Variants in GSE1 observed in about 807,000 individuals in gnomAD.
GSE1 encodes Gse1 coiled-coil protein.
A neutral mutation model predicts 112.6 loss-of-function variants in GSE1; 32 were observed. The ratio of observed to expected loss-of-function variants is 0.28; its 90% confidence interval spans 0.21 to 0.38. GSE1 has a LOEUF of 0.38. GSE1 is among the 10% of genes least tolerant of loss of function. The pLI, the probability that GSE1 is intolerant of heterozygous loss-of-function variation, is 1.00. For missense variants in GSE1, 2,348 were observed against 1,699.2 expected, an observed-to-expected ratio of 1.38 and a Z score of -6.71; for synonymous variants, 1,115 against 735.6, an observed-to-expected ratio of 1.52 and a Z score of -8.35.
intron 13 of GSE1, among the ~76,000 whole-genome samples, chr16:85,667,498 A>G (rs2052966466): frequency 6.6e-6 from 1 of 152,234 alleles, no homozygotes; most frequent in African/African-American, 2.4e-5. Context: ...CTAGGGATCA[A>G]AACAGCCACG....
intron 1 of GSE1, among the ~76,000 whole-genome samples, chr16:85,569,411 T>C (rs1256804145): frequency 6.6e-6 from 1 of 152,246 alleles, no homozygotes; most frequent in Non-Finnish European, 1.5e-5. Flanking sequence ...CTTGAGTCCT[T>C]GTGTATGAGA....
At chr16:85,360,314 G>A (rs1271158080) in intron 2 of GSE1, among the ~76,000 whole-genome samples, 2 of 152,100 alleles carry the variant, frequency 1.3e-5, no homozygotes, top group Admixed American at 6.5e-5. Context: ...ACCCCCGTGA[G>A]TGTCCCTGCA....
chr16:85,292,853 A>G (rs573665100), intron 1 of GSE1, among the ~76,000 whole-genome samples: 5 of 152,314 alleles, frequency 3.3e-5, no homozygotes, highest in African/African-American at 1.2e-4. Flanking sequence ...AGAACATTCC[A>G]TTGTCTGTGA....
At chr16:85,249,971 C>T (rs1296488032) in intron 1 of GSE1, among the ~76,000 whole-genome samples, 1 of 152,238 alleles carries the variant, frequency 6.6e-6, no homozygotes, top group Non-Finnish European at 1.5e-5. Context: ...TTGTCTGTAG[C>T]AGGGATGAGA....
chr16:85,344,429 G>T (rs1416789989), intron 1 of GSE1, among the ~76,000 whole-genome samples: 1 of 152,234 alleles, frequency 6.6e-6, no homozygotes, highest in African/African-American at 2.4e-5. Flanking sequence ...CAGGACGACA[G>T]CAGCCCTTGT....
At chr16:85,445,841 C>T (rs1031607991) in intron 2 of GSE1, among the ~76,000 whole-genome samples, 1 of 152,188 alleles carries the variant, frequency 6.6e-6, no homozygotes, top group Non-Finnish European at 1.5e-5. Flanking sequence ...CCTTGCAGCT[C>T]GCTGGGGTCA....
chr16:85,518,461 G>A (rs559253017), intron 2 of GSE1, among the ~76,000 whole-genome samples: 7 of 152,218 alleles, frequency 4.6e-5, no homozygotes, highest in South Asian at 4.1e-4. Context: ...AAACCGAGGC[G>A]CAGAAGTAAC....
chr16:85,434,345 A>ATCATCATC (rs1555511268), intron 2 of GSE1, among the ~76,000 whole-genome samples: 1,835 of 143,490 alleles, frequency 0.013, 33 homozygotes, highest in African/African-American at 0.044. Flanking sequence ...TAATAATAAT[A>ATCATCATC]ATCAGTGCCG....
At chr16:85,565,047 G>T (rs1481127077) in intron 1 of GSE1, among the ~76,000 whole-genome samples, 2 of 152,124 alleles carry the variant, frequency 1.3e-5, no homozygotes, top group Non-Finnish European at 2.9e-5. Flanking sequence ...TCAAGCCGGT[G>T]ACACATGAAC....
At chr16:85,197,083 C>T (rs546063121) in intron 1 of GSE1, among the ~76,000 whole-genome samples, 7 of 152,274 alleles carry the variant, frequency 4.6e-5, no homozygotes, top group Non-Finnish European at 8.8e-5. Context: ...ATTGATTTAT[C>T]GATCAGCCAT....
At chr16:85,538,890 C>T (rs943966180) in intron 2 of GSE1, among the ~76,000 whole-genome samples, 2 of 152,218 alleles carry the variant, frequency 1.3e-5, no homozygotes, top group African/African-American at 4.8e-5. Context: ...CTCCAGCCCC[C>T]AAATCTCCCC....
At chr16:85,454,363 C>T (rs1428774950) in intron 2 of GSE1, among the ~76,000 whole-genome samples, 4 of 152,210 alleles carry the variant, frequency 2.6e-5, no homozygotes, top group East Asian at 3.9e-4. Context: ...GGCAGGGGAG[C>T]GGCCAGCAGA....
intron 2 of GSE1, among the ~76,000 whole-genome samples, chr16:85,497,710 G>C (rs1228427705): frequency 6.6e-6 from 1 of 152,238 alleles, no homozygotes; most frequent in East Asian, 1.9e-4. Flanking sequence ...TCCTGGGATG[G>C]GGACATGGAC....
Position 85,656,470 on chromosome 16 carries a change from AAGG to A in GSE1, c.1120_1122del (p.Glu374del), listed in dbSNP as rs2051959803. 6.6e-7 allele frequency: 1 copy of A among 1,519,712 alleles called. No homozygotes were observed. The highest frequency in any genetic ancestry group is 8.9e-7 in the Non-Finnish European group (1 of 1,120,062). The allele number at this position is 1,519,712 out of a possible 1,614,324, so 94.1% of individuals were successfully genotyped here. ...ACGCGAGAAGGAGCGCGAGCAAGAGAAGGAGCGTGAGCGTGAGAAGGAGCGCGA... is the reference window on the plus strand; with the variant it reads ...ACGCGAGAAGGAGCGCGAGCAAGAGAAGCGTGAGCGTGAGAAGGAGCGCGA... On this transcript the variant is annotated inframe_deletion, in exon 7 of 16. Coordinates refer to ENST00000253458, the MANE Select transcript of GSE1 (RefSeq NM_014615.5).
chr16:85,237,549 G>C, intron 1 of GSE1, among the ~76,000 whole-genome samples: 1 of 151,824 alleles, frequency 6.6e-6, no homozygotes, highest in East Asian at 1.9e-4. Context: ...CTGAAAGTGA[G>C]TGAATGAGGC....
intron 2 of GSE1, among the ~76,000 whole-genome samples, chr16:85,435,620 G>GA (rs1469023133): frequency 2.0e-5 from 3 of 150,916 alleles, no homozygotes; most frequent in East Asian, 1.9e-4. Flanking sequence ...AGTGGGTTTT[G>GA]AGGGGGGATC....
rs200337487 is a variant in GSE1, at chr16:85,304,603, G to GT, written c.2284-52860_2284-52859insT. On this transcript the variant is annotated intron_variant, in intron 1 of 2. Coordinates refer to the GSE1 transcript ENST00000637419. ...CATGGCAGCTGCCAAGCCGGGGGCG[G>GT]GGGGGTGGGGCATCCCTTTTGCCTT... Among the ~76,000 whole-genome samples the GT allele has an allele frequency of 7.0e-4, 88 of 126,286 alleles. 1 individual carries two copies. The highest frequency in any genetic ancestry group is 2.9e-3 in the African/African-American group (84 of 28,794). 82.8% of individuals were successfully genotyped at this position (126,286 alleles called of 152,430 possible).
chr16:85,656,430 G>GGAACGTGAGCGC lies in GSE1; in HGVS notation c.1083_1094dup (p.Arg363_Glu366dup). The GGAACGTGAGCGC allele has an allele frequency of 6.3e-7, 1 of 1,575,738 alleles. No individual in the cohort carries two copies. The highest frequency in any genetic ancestry group is 8.6e-7 in the Non-Finnish European group (1 of 1,157,232). On this transcript the variant is annotated inframe_insertion, in exon 7 of 16. Coordinates refer to ENST00000253458, the MANE Select transcript of GSE1 (RefSeq NM_014615.5). ...GTGAGGCTGACCGCGAGCGGGAGAAGGAACGTGAGCGCGAACGCGAGAAGG... is the reference window on the plus strand; with the variant it reads ...GTGAGGCTGACCGCGAGCGGGAGAAGGAACGTGAGCGCGAACGTGAGCGCGAACGCGAGAAGG...
At chr16:85,567,912 CAG>C (rs375233150) in intron 1 of GSE1, among the ~76,000 whole-genome samples, 75 of 152,100 alleles carry the variant, frequency 4.9e-4, no homozygotes, top group African/African-American at 1.5e-3. Flanking sequence ...TTTGTAGAGA[CAG>C]AGTCTTCTTA....
Sources: gnomAD v4.1 joint callset for allele counts (sites outside exome capture counted in the v4.1 genomes callset) on GRCh38, gnomAD v4.1.1 for gene constraint, MANE v1.5 for transcripts, NCBI Gene and HGNC (gene_info 2026-07-23, HGNC 2026-07-21) for gene names.